Variants in ADAMTS14 observed in about 807,000 individuals in gnomAD.
The protein encoded by ADAMTS14 is A disintegrin and metalloproteinase with thrombospondin motifs 14.
A neutral mutation model predicts 128.6 loss-of-function variants in ADAMTS14; 100 were observed. The ratio of observed to expected loss-of-function variants is 0.78; its 90% CI spans 0.66 to 0.92. The LOEUF (loss-of-function observed/expected upper bound fraction) is 0.92, where lower values mean the gene tolerates loss of function less well. ADAMTS14 is among the 40% of genes least tolerant of loss of function. The pLI, the probability that ADAMTS14 is intolerant of heterozygous loss-of-function variation, is 0.00. For synonymous variants in ADAMTS14, 665 were observed against 653.8 expected, an observed-to-expected ratio of 1.02 and a Z score of -0.26; for missense variants, 1,562 against 1,658.6, an observed-to-expected ratio of 0.94 and a Z score of 1.01.
rs1841667574 is a variant in ADAMTS14, at chr10:70,732,278, G to A, written c.1127G>A (p.Cys376Tyr). 1 of 1,614,052 alleles carries A rather than the reference G, an allele frequency of 6.2e-7. No homozygotes were observed. The highest frequency in any genetic ancestry group is 1.3e-5 in the African/African-American group (1 of 74,928). ...PSGYAPVTGM[C>Y]HPLRSCALNH... ...GGGTATGCACCCGTCACTGGCATGT[G>A]TCACCCCCTGAGGAGCTGTGCCCTC... The change falls in exon 7 of 22, where the codon TGT (cysteine) becomes TAT (tyrosine). Residue 376 changes from cysteine (C) to tyrosine (Y), a missense_variant. Physicochemically the swap from Cys to Tyr is radical, Grantham distance 194. Transcript: ENST00000373207.
intron 12 of ADAMTS14, among the ~76,000 whole-genome samples, chr10:70,743,346 T>C (rs1225557323): frequency 6.6e-6 from 1 of 152,174 alleles, no homozygotes; most frequent in Non-Finnish European, 1.5e-5. Flanking sequence ...GAACAAAGGC[T>C]GGGAGAGGTC....
intron 1 of ADAMTS14, 23 bp from the exon 2 acceptor site, chr10:70,674,533 G>T: frequency 6.3e-7 from 1 of 1,598,678 alleles, no homozygotes; most frequent in South Asian, 1.1e-5. Flanking sequence ...GCATTGAAGT[G>T]ACTCTTTGTT....
At chr10:70,693,883 CT>C (rs1840258983) in intron 2 of ADAMTS14, among the ~76,000 whole-genome samples, 1 of 152,208 alleles carries the variant, frequency 6.6e-6, no homozygotes, top group Non-Finnish European at 1.5e-5. Context: ...GAACCTTTGG[CT>C]TGTTGTGGCA....
At position 70,732,268 on chromosome 10, in the gene ADAMTS14, A is replaced by G; in HGVS notation, c.1117A>G (p.Thr373Ala). 6.2e-7 allele frequency: 1 copy of G among 1,614,140 alleles called. No individual in the cohort carries two copies. The highest frequency in any genetic ancestry group is 1.1e-5 in the South Asian group (1 of 91,086). Reference protein sequence around the residue: ...DFGPSGYAPVTGMCHPLRSCA... With the variant: ...DFGPSGYAPVAGMCHPLRSCA... ...CTCTTCGGCAGGGTATGCACCCGTC[A>G]CTGGCATGTGTCACCCCCTGAGGAG... The change falls in exon 7 of 22, where the codon ACT (threonine) becomes GCT (alanine). Residue 373 changes from threonine (T) to alanine (A), a missense_variant. Coordinates refer to ENST00000373207, the MANE Select transcript of ADAMTS14 (RefSeq NM_080722.4).
intron 19 of ADAMTS14, among the ~76,000 whole-genome samples, chr10:70,755,151 T>C (rs1842451401): frequency 6.6e-6 from 1 of 151,548 alleles, no homozygotes; most frequent in South Asian, 2.1e-4. Flanking sequence ...ACAAAAAATG[T>C]AAAAAGTTAG....
In ADAMTS14 at chr10:70,729,686, T is replaced by A. The variant is rs535277757; in HGVS notation, c.954+309T>A. On this transcript the variant is annotated intron_variant, in intron 5 of 21. Coordinates refer to ENST00000373207, the MANE Select transcript of ADAMTS14 (RefSeq NM_080722.4). ...GACAAGTCATGTTATGGTTGAGCCC[T>A]GGTGCCCTGCGCTCTGCAATCTTAG... is the stretch of plus-strand genomic sequence containing the variant. Among the ~76,000 whole-genome samples, 12 of 152,294 alleles carry A rather than the reference T, an allele frequency of 7.9e-5. No homozygotes were observed. In the South Asian group the frequency reaches 2.5e-3, roughly 32 times the overall value.
chr10:70,703,577 C>T (rs1840560668), intron 3 of ADAMTS14, among the ~76,000 whole-genome samples: 1 of 152,194 alleles, frequency 6.6e-6, no homozygotes, highest in Non-Finnish European at 1.5e-5. Flanking sequence ...GATTTCAGGG[C>T]ACCCTTCTCT....
intron 4 of ADAMTS14, among the ~76,000 whole-genome samples, chr10:70,727,661 A>G (rs1240508229): frequency 6.6e-6 from 1 of 152,040 alleles, no homozygotes; most frequent in Non-Finnish European, 1.5e-5. Flanking sequence ...CACATCCCTG[A>G]CCACACTGCT....
intron 14 of ADAMTS14, among the ~76,000 whole-genome samples, chr10:70,744,748 TTTGA>T (rs1842123876): frequency 5.3e-5 from 8 of 152,294 alleles, no homozygotes; most frequent in Admixed American, 3.9e-4. Context: ...TTGTCTCACC[TTTGA>T]TTGTTGGGGA....
intron 3 of ADAMTS14, among the ~76,000 whole-genome samples, chr10:70,707,729 T>C (rs951966817): frequency 3.9e-5 from 6 of 152,194 alleles, no homozygotes; most frequent in African/African-American, 1.2e-4. Flanking sequence ...AACAATCTGA[T>C]AGAGTTGTTG....
At chr10:70,738,787 G>T in intron 10 of ADAMTS14, 55 bp from the exon 11 acceptor site, 1 of 1,610,384 alleles carries the variant, frequency 6.2e-7, no homozygotes, top group Non-Finnish European at 8.5e-7. Flanking sequence ...TGGCTCCCCG[G>T]GTGGGCTCAG....
chr10:70,701,885 C>A (rs1346672731), intron 2 of ADAMTS14, among the ~76,000 whole-genome samples: 1 of 152,194 alleles, frequency 6.6e-6, no homozygotes, highest in Admixed American at 6.5e-5. Flanking sequence ...CCCCTAGGAT[C>A]TTCCTGTCTG....
At chr10:70,695,762 TG>T (rs1840317149) in intron 2 of ADAMTS14, among the ~76,000 whole-genome samples, 1 of 152,212 alleles carries the variant, frequency 6.6e-6, no homozygotes, top group African/African-American at 2.4e-5. Context: ...TCAAGGAGGC[TG>T]TTGGATAATC....
intron 15 of ADAMTS14, 198 bp downstream of exon 15, chr10:70,745,504 G>A (rs765153560): frequency 3.1e-6 from 2 of 649,626 alleles, no homozygotes; most frequent in Non-Finnish European, 5.4e-6. Flanking sequence ...CATTTCAGAA[G>A]GTCTCAAAGG....
chr10:70,754,243 T>C (rs1564560935), intron 19 of ADAMTS14, among the ~76,000 whole-genome samples: 1 of 152,270 alleles, frequency 6.6e-6, no homozygotes, highest in Non-Finnish European at 1.5e-5. Flanking sequence ...CATGGGTTCA[T>C]GTCCCTGTGT....
At chr10:70,744,294 G>A in intron 14 of ADAMTS14, 105 bp downstream of exon 14, 1 of 1,354,792 alleles carries the variant, frequency 7.4e-7, no homozygotes, top group Non-Finnish European at 9.6e-7. Context: ...GGGGTGGGGA[G>A]AAGGGGCCCT....
intron 16 of ADAMTS14, among the ~76,000 whole-genome samples, chr10:70,750,833 T>A (rs1164509295): frequency 6.6e-6 from 1 of 152,136 alleles, no homozygotes; most frequent in Non-Finnish European, 1.5e-5. Flanking sequence ...CCTCACACCA[T>A]ACACAAATAT....
intron 16 of ADAMTS14, among the ~76,000 whole-genome samples, chr10:70,750,952 C>T (rs928056544): frequency 6.6e-6 from 1 of 152,074 alleles, no homozygotes; most frequent in Non-Finnish European, 1.5e-5. Context: ...ATACGACAGG[C>T]ACTAAAAGCA....
chr10:70,754,161 T>C (rs757448333), intron 19 of ADAMTS14, among the ~76,000 whole-genome samples, 154 bp downstream of exon 19: 2 of 152,238 alleles, frequency 1.3e-5, no homozygotes, highest in Non-Finnish European at 2.9e-5. Context: ...CTACGTACCC[T>C]GGGCCGTGGC....
Sources: allele counts gnomAD v4.1 joint callset (sites outside exome capture counted in the v4.1 genomes callset), GRCh38; gene constraint gnomAD v4.1.1; transcripts MANE v1.5; gene names NCBI Gene and HGNC (gene_info 2026-07-23, HGNC 2026-07-21).